Variants in RAP1GAP2 observed in about 807,000 individuals in gnomAD.
RAP1GAP2 encodes the protein RAP1 GTPase activating protein 2, also known as rap1 GTPase-activating protein 2.
In RAP1GAP2, 27 loss-of-function variants were observed where a neutral mutation model predicts 95.0. The observed-to-expected ratio is 0.28, with a 90% CI of 0.21 to 0.39. RAP1GAP2 has a LOEUF of 0.39. Ranked by LOEUF, RAP1GAP2 falls within the 10% of genes least tolerant of loss-of-function variation. The pLI is 1.00. For missense variants in RAP1GAP2, 771 were observed against 970.0 expected (o/e 0.79, Z 2.72); for synonymous variants, 373 against 380.9 (o/e 0.98, Z 0.24).
intron 2 of RAP1GAP2, among the ~76,000 whole-genome samples, chr17:2,828,231 C>T (rs1325421454): frequency 6.6e-6 from 1 of 152,040 alleles, no homozygotes; most frequent in East Asian, 1.9e-4. Context: ...ATCCCAGCTA[C>T]TCGGGAGGCT....
intron 2 of RAP1GAP2, among the ~76,000 whole-genome samples, chr17:2,899,700 G>A (rs2041961792): frequency 6.6e-6 from 1 of 151,780 alleles, no homozygotes; most frequent in Non-Finnish European, 1.5e-5. Flanking sequence ...TTAGTGAGAT[G>A]GGGTTTCGCC....
intron 2 of RAP1GAP2, among the ~76,000 whole-genome samples, chr17:2,875,573 A>G (rs1184917197): frequency 6.6e-6 from 1 of 152,112 alleles, no homozygotes; most frequent in Non-Finnish European, 1.5e-5. Flanking sequence ...TACTTAGCTC[A>G]TGGAGCGGGT....
At chr17:3,032,695 C>T (rs1186580658) in intron 24 of RAP1GAP2, among the ~76,000 whole-genome samples, 1 of 152,120 alleles carries the variant, frequency 6.6e-6, no homozygotes, top group Non-Finnish European at 1.5e-5. Context: ...CTCCCTTCCA[C>T]CGATGGGGTC....
chr17:2,924,604 A>G (rs903717282), intron 3 of RAP1GAP2, among the ~76,000 whole-genome samples: 16 of 151,838 alleles, frequency 1.1e-4, no homozygotes, highest in Non-Finnish European at 1.5e-5. Flanking sequence ...GGCCAGTGGC[A>G]TTAGAGGTGG....
At chr17:3,018,033 T>C in intron 17 of RAP1GAP2, 28 bp from the exon 18 acceptor site, 2 of 1,558,496 alleles carry the variant, frequency 1.3e-6, no homozygotes, top group Non-Finnish European at 1.7e-6. Context: ...CGGGTGCTGA[T>C]TCTCAGGCCC....
intron 2 of RAP1GAP2, among the ~76,000 whole-genome samples, chr17:2,803,601 A>G (rs1048052502): frequency 3.3e-5 from 5 of 152,376 alleles, no homozygotes; most frequent in Admixed American, 1.3e-4. Context: ...TATCGCGGCC[A>G]GGCGCGATGG....
upstream of RAP1GAP2, among the ~76,000 whole-genome samples, chr17:2,792,565 T>A (rs889044142): frequency 1.4e-4 from 22 of 152,208 alleles, no homozygotes; most frequent in Non-Finnish European, 3.1e-4. Context: ...CCCTTCCCCC[T>A]TTCCAGCCCT....
intron 2 of RAP1GAP2, among the ~76,000 whole-genome samples, chr17:2,840,316 A>C (rs1362944465): frequency 6.6e-6 from 1 of 151,416 alleles, no homozygotes; most frequent in African/African-American, 2.4e-5. Context: ...GGCGCCCACC[A>C]CAACACCCAG....
chr17:3,008,817 C>T lies in RAP1GAP2; in HGVS notation c.1494+672C>T, dbSNP rs929938022. Among the ~76,000 whole-genome samples the T allele has an allele frequency of 7.9e-5, 12 of 152,142 alleles. No individual in the cohort carries two copies. The highest frequency in any genetic ancestry group is 2.9e-4 in the African/African-American group (12 of 41,422). ...TTGTTGGTCCACGCAGCACGTAGACCCAGCATCTGGCTCGAGCCTGGCTGT... is the reference window on the plus strand; with the variant it reads ...TTGTTGGTCCACGCAGCACGTAGACTCAGCATCTGGCTCGAGCCTGGCTGT... On this transcript the variant is annotated intron_variant, in intron 17 of 24. Coordinates refer to ENST00000254695, the MANE Select transcript of RAP1GAP2 (RefSeq NM_015085.5). The surrounding 1 kb of genome is among the most constrained non-coding windows in gnomAD (Gnocchi z 4.2).
chr17:2,774,343 G>A (rs548147147), upstream of RAP1GAP2, among the ~76,000 whole-genome samples: 3 of 152,202 alleles, frequency 2.0e-5, no homozygotes, highest in East Asian at 5.8e-4. Flanking sequence ...TTATTTGGTG[G>A]GCATGGATTG....
At chr17:3,001,869 G>A (rs1256470480) in intron 14 of RAP1GAP2, among the ~76,000 whole-genome samples, 1 of 151,964 alleles carries the variant, frequency 6.6e-6, no homozygotes, top group Non-Finnish European at 1.5e-5. Context: ...CGAGACCTTA[G>A]CCGAGTGGTG....
Position 2,850,247 on chromosome 17 carries a change from G to T in RAP1GAP2, c.80+49697G>T, listed in dbSNP as rs920347627. 6.0e-5 allele frequency among the ~76,000 whole-genome samples: 9 copies of T among 150,724 alleles called. No homozygotes were observed. In the South Asian group the frequency reaches 1.7e-3, roughly 28 times the overall value. The stretch of plus-strand genomic sequence containing the variant: ...GATCTCCTGACCTCATGATCCGCCC[G>T]CCTCGGCCTCCCAAAGTGCTGGGAT... On this transcript the variant is annotated intron_variant, in intron 2 of 24. Transcript: ENST00000254695.
In RAP1GAP2 at chr17:3,004,634, T is replaced by TCACTCAC. The variant is rs2046276867; in HGVS notation, c.1201-729_1201-728insCCACTCA. Among the ~76,000 whole-genome samples the TCACTCAC allele has an allele frequency of 6.6e-6, 1 of 152,240 alleles. No individual in the cohort carries two copies. The highest frequency in any genetic ancestry group is 1.5e-5 in the Non-Finnish European group (1 of 68,034). On this transcript the variant is annotated intron_variant, in intron 14 of 24. Transcript: ENST00000254695. This position sits in a 1 kb window ranked among gnomAD's most constrained non-coding sequence, Gnocchi z 4.1. Reference sequence around the variant, plus strand: ...GAGGCCGTCACTCTAAAGCTCAGTCTCACTCAGGGTGCCAGAGGTGCGCGC... The same window carrying TCACTCAC: ...GAGGCCGTCACTCTAAAGCTCAGTCTCACTCACCACTCAGGGTGCCAGAGGTGCGCGC...
At chr17:2,920,011 T>C (rs2042701426) in intron 3 of RAP1GAP2, among the ~76,000 whole-genome samples, 1 of 61,270 alleles carries the variant, frequency 1.6e-5, no homozygotes, top group African/African-American at 2.3e-4. Context: ...TCCTTTTTTC[T>C]TTTTTTTTTT....
chr17:2,905,585 G>C (rs1445882030), intron 3 of RAP1GAP2, among the ~76,000 whole-genome samples: 1 of 152,198 alleles, frequency 6.6e-6, no homozygotes, highest in Admixed American at 6.5e-5. Context: ...GAGGACATTG[G>C]GGTTGAAATG....
chr17:2,933,265 C>G (rs1276012666), intron 3 of RAP1GAP2, among the ~76,000 whole-genome samples: 1 of 152,056 alleles, frequency 6.6e-6, no homozygotes, highest in African/African-American at 2.4e-5. Flanking sequence ...TGCCTCTTGA[C>G]ACAGCCAGAC....
At chr17:2,845,906 G>A (rs1012653757) in intron 2 of RAP1GAP2, among the ~76,000 whole-genome samples, 55 of 151,740 alleles carry the variant, frequency 3.6e-4, no homozygotes, top group African/African-American at 1.2e-3. Context: ...CTTATCAGCC[G>A]GGTGTGGTGG....
intron 8 of RAP1GAP2, among the ~76,000 whole-genome samples, chr17:2,967,972 C>A (rs1420721470): frequency 2.0e-5 from 3 of 152,020 alleles, no homozygotes; most frequent in African/African-American, 7.3e-5. Context: ...GTGTAGATTT[C>A]TTCTGTTTCA....
At chr17:2,931,280 TTGTGTGTG>T (rs34690298) in intron 3 of RAP1GAP2, among the ~76,000 whole-genome samples, 96 of 146,624 alleles carry the variant, frequency 6.5e-4, no homozygotes, top group Admixed American at 1.0e-3. Context: ...TGAGTGTTTC[TTGTGTGTG>T]TGTGTGTGTG....
Sources: allele counts gnomAD v4.1 joint callset (sites outside exome capture counted in the v4.1 genomes callset), GRCh38; gene constraint gnomAD v4.1.1; non-coding constraint Gnocchi (gnomAD v3.1); transcripts MANE v1.5; gene names NCBI Gene and HGNC (gene_info 2026-07-23, HGNC 2026-07-21).